The following SLCO5A1 variants were observed in gnomAD, a reference collection of about 807,000 sequenced individuals.
SLCO5A1 encodes the protein organic anion transporter polypeptide-related protein 4.
Under a neutral mutation model 65.1 loss-of-function variants are expected in SLCO5A1, and 39 were observed. The observed-to-expected ratio is 0.60, with a 90% CI of 0.46 to 0.78. The LOEUF is 0.78. SLCO5A1 is among the 30% of genes least tolerant of loss of function. The pLI is 0.00. For synonymous variants in SLCO5A1, 438 were observed against 415.7 expected, an observed-to-expected ratio of 1.05 and a Z score of -0.65; for missense variants, 1,029 against 1,069.4, an observed-to-expected ratio of 0.96 and a Z score of 0.53.
At chr8:69,689,874 A>G (rs1814168685) in intron 6 of SLCO5A1, among the ~76,000 whole-genome samples, 1 of 152,250 alleles carries the variant, frequency 6.6e-6, no homozygotes, top group South Asian at 2.1e-4. Context: ...AATTCTGTGA[A>G]GAAAGTCATT....
intron 2 of SLCO5A1, among the ~76,000 whole-genome samples, chr8:69,798,276 A>G (rs560897212): frequency 6.6e-6 from 1 of 152,268 alleles, no homozygotes; most frequent in East Asian, 1.9e-4. Context: ...CCCACTCCTC[A>G]GTACCAATTT....
intron 9 of SLCO5A1, among the ~76,000 whole-genome samples, chr8:69,673,869 A>G (rs554685876): frequency 6.6e-6 from 1 of 152,338 alleles, no homozygotes; most frequent in African/African-American, 2.4e-5. Context: ...TTGTAAAAGC[A>G]CTTATAAATC....
In SLCO5A1 at chr8:69,673,310, T is replaced by A. The variant is rs142964733; in HGVS notation, c.2106A>T (p.Pro702=). 1.2e-6 allele frequency: 2 copies of A among 1,613,810 alleles called. No homozygotes were observed. Among genetic ancestry groups the A allele is most frequent in the Non-Finnish European group, 1.7e-6 (2 of 1,179,774 alleles). Residue 702 remains proline (P), a synonymous_variant, in exon 10 of 10, where the codon CCA becomes CCT. Transcript: ENST00000260126. The stretch of plus-strand genomic sequence containing the variant: ...TGTCAATGACTGCTCCAAAGTAGAT[T>A]GGAGTAGGAATGTATGCTAGAGGGG... ...LLRTLAYIPT[P]IYFGAVIDTT...
intron 5 of SLCO5A1, among the ~76,000 whole-genome samples, chr8:69,710,469 C>A (rs561336454): frequency 6.6e-6 from 1 of 152,250 alleles, no homozygotes; most frequent in African/African-American, 2.4e-5. Flanking sequence ...CGACCTCTTA[C>A]ACCCAATAGG....
intron 7 of SLCO5A1, 77 bp downstream of exon 7, chr8:69,682,107 A>C: frequency 6.9e-7 from 1 of 1,451,414 alleles, no homozygotes; most frequent in African/African-American, 1.5e-5. Flanking sequence ...AAGTCATTGT[A>C]GCTGCATAGG....
intron 4 of SLCO5A1, among the ~76,000 whole-genome samples, chr8:69,739,063 A>G (rs1387500910): frequency 3.3e-5 from 5 of 152,234 alleles, no homozygotes; most frequent in Admixed American, 6.5e-5. Context: ...GTAGTTAAAA[A>G]CAAAATAGAG....
chr8:69,755,682 T>C, intron 3 of SLCO5A1, 41 bp from the exon 4 acceptor site: 2 of 1,537,832 alleles, frequency 1.3e-6, no homozygotes, highest in Non-Finnish European at 1.8e-6. Flanking sequence ...ACGTCTTTTC[T>C]TTTGTGAGTG....
At chr8:69,767,906 AAAAAAC>A (rs1818135000) in intron 2 of SLCO5A1, among the ~76,000 whole-genome samples, 6 of 139,854 alleles carry the variant, frequency 4.3e-5, no homozygotes, top group East Asian at 2.0e-4. Context: ...AAAAAAAAAA[AAAAAAC>A]AAAAAGAAAA....
intron 5 of SLCO5A1, among the ~76,000 whole-genome samples, chr8:69,712,726 A>G (rs1586714499): frequency 6.6e-6 from 1 of 152,274 alleles, no homozygotes; most frequent in East Asian, 1.9e-4. Context: ...GTTCTTGTCT[A>G]TATTTTCAGT....
chr8:69,793,622 A>G (rs1450669136), intron 2 of SLCO5A1, among the ~76,000 whole-genome samples: 2 of 151,898 alleles, frequency 1.3e-5, no homozygotes, highest in African/African-American at 4.8e-5. Flanking sequence ...TACTAAAAAT[A>G]CAAAAATTAA....
At chr8:69,678,882 T>C (rs1004888471) in intron 8 of SLCO5A1, among the ~76,000 whole-genome samples, 1 of 151,470 alleles carries the variant, frequency 6.6e-6, no homozygotes, top group African/African-American at 2.4e-5. Context: ...GATAGTAAAA[T>C]TAATGAACTC....
At chr8:69,722,027 C>G (rs1586725708) in intron 5 of SLCO5A1, among the ~76,000 whole-genome samples, 1 of 152,032 alleles carries the variant, frequency 6.6e-6, no homozygotes, top group East Asian at 1.9e-4. Context: ...CAAAAACTAG[C>G]CAGGCATGGT....
intron 2 of SLCO5A1, among the ~76,000 whole-genome samples, chr8:69,825,315 A>G (rs1250062570): frequency 1.3e-5 from 2 of 152,312 alleles, no homozygotes; most frequent in East Asian, 1.9e-4. Flanking sequence ...AGGGTATTCA[A>G]TTAGGAAAAG....
At chr8:69,781,326 T>C (rs1220556928) in intron 2 of SLCO5A1, among the ~76,000 whole-genome samples, 1 of 152,258 alleles carries the variant, frequency 6.6e-6, no homozygotes, top group Non-Finnish European at 1.5e-5. Flanking sequence ...CATTGGATTT[T>C]ATAGACATTT....
chr8:69,679,336 A>G lies in SLCO5A1; in HGVS notation c.2024+42T>C, dbSNP rs371825070. On this transcript the variant is annotated intron_variant, in intron 8 of 9. Transcript: ENST00000260126. ...TCCTGGATTATGTGCTCTGGAAATT[A>G]TAAGTACAGAACCCACCCCAGAAGT... is the stretch of plus-strand genomic sequence containing the variant. 119 of 1,609,396 alleles carry G rather than the reference A, an allele frequency of 7.4e-5. 2 individuals are homozygous for G. The Admixed American group carries it at 1.7e-3, about 22-fold the overall frequency.
chr8:69,691,182 C>G (rs1192397172), intron 6 of SLCO5A1, among the ~76,000 whole-genome samples: 1 of 152,072 alleles, frequency 6.6e-6, no homozygotes, highest in Non-Finnish European at 1.5e-5. Flanking sequence ...AGAGAGGAAG[C>G]AAAACACATT....
intron 3 of SLCO5A1, chr8:69,761,395 A>G (rs1817767307): frequency 4.5e-6 from 1 of 220,650 alleles, no homozygotes; most frequent in Admixed American, 6.1e-5. Context: ...TCAAGGCACA[A>G]CACTCCAACC....
intron 9 of SLCO5A1, among the ~76,000 whole-genome samples, chr8:69,674,801 A>C (rs1368742046): frequency 6.6e-6 from 1 of 151,074 alleles, no homozygotes; most frequent in Non-Finnish European, 1.5e-5. Flanking sequence ...CGGGTGGATC[A>C]CCTGAGGTCA....
At position 69,673,220 on chromosome 8, in the gene SLCO5A1, C is replaced by T. The variant is rs201047618; in HGVS notation, c.2196G>A (p.Thr732=). ...VQGSCWEYNV[T]SFRFVYFGLA... is the part of the protein sequence containing the mutation. ...AACCAAAATACACAAAACGAAACGA[C>T]GTCACGTTGTACTCCCAGCAAGAAC... Residue 732 remains threonine, a synonymous_variant, in exon 10 of 10, where the codon ACG becomes ACA. Transcript: ENST00000260126. 8.7e-6 allele frequency: 14 copies of T among 1,614,102 alleles called. No homozygotes were observed. Among genetic ancestry groups the T allele is most frequent in the Admixed American group, 8.3e-5 (5 of 60,004 alleles).
Sources: gnomAD v4.1 joint callset for allele counts (sites outside exome capture counted in the v4.1 genomes callset) on GRCh38, gnomAD v4.1.1 for gene constraint, MANE v1.5 for transcripts, NCBI Gene and HGNC (gene_info 2026-07-23, HGNC 2026-07-21) for gene names.